MAP4K3: variants seen among roughly 807,000 people sequenced by gnomAD.
The protein encoded by MAP4K3 is MAPK/ERK kinase kinase kinase 3.
In MAP4K3, 94 loss-of-function variants were observed where a neutral mutation model predicts 143.5. That is an observed-to-expected ratio of 0.65 (90% CI 0.55 to 0.78). The LOEUF is 0.78. MAP4K3 is among the 30% of genes least tolerant of loss of function. The probability of loss-of-function intolerance (pLI) is 0.00; values close to 1 mark genes in which losing one functional copy is unlikely to be tolerated. For missense variants in MAP4K3, 1,077 were observed against 1,068.1 expected (o/e 1.01, Z -0.12); for synonymous variants, 416 against 347.2 (o/e 1.20, Z -2.20).
At chr2:39,415,615 C>A (rs1667347823) in intron 1 of MAP4K3, among the ~76,000 whole-genome samples, 1 of 151,970 alleles carries the variant, frequency 6.6e-6, no homozygotes, top group Admixed American at 6.5e-5. Flanking sequence ...TAATGTCAGG[C>A]ATTAATAGTC....
At chr2:39,407,326 T>C (rs940125006) in intron 1 of MAP4K3, among the ~76,000 whole-genome samples, 2 of 150,762 alleles carry the variant, frequency 1.3e-5, no homozygotes, top group African/African-American at 4.9e-5. Flanking sequence ...ATGTCTGCTC[T>C]CACCACTTCT....
chr2:39,372,492 G>GAAAAAAAAAA (rs556275987), intron 2 of MAP4K3, among the ~76,000 whole-genome samples: 2 of 123,210 alleles, frequency 1.6e-5, no homozygotes, highest in African/African-American at 2.9e-5. Context: ...CTATCCTAAG[G>GAAAAAAAAAA]AAAAAAAAAA....
intron 4 of MAP4K3, among the ~76,000 whole-genome samples, chr2:39,342,453 G>A (rs1553415112): frequency 6.6e-6 from 1 of 151,988 alleles, no homozygotes; most frequent in Non-Finnish European, 1.5e-5. Flanking sequence ...TTTCTACCGA[G>A]TTTACCTATC....
chr2:39,314,860 T>C (rs1683061919), intron 13 of MAP4K3, among the ~76,000 whole-genome samples: 1 of 152,188 alleles, frequency 6.6e-6, no homozygotes, highest in African/African-American at 2.4e-5. Flanking sequence ...TTTTTAAAAG[T>C]TTCCAGGTTA....
At position 39,278,499 on chromosome 2, in the gene MAP4K3, TA is replaced by T. The variant is rs769694756; in HGVS notation, c.1715-14del. ...ATCAAGTACTGATCTGAAATAAAAG[TA>T]ATTCACTGACTGATTTTGGTAAATA... On this transcript the variant is annotated splice_polypyrimidine_tract_variant and intron_variant, in intron 23 of 33. Coordinates refer to ENST00000263881, the MANE Select transcript of MAP4K3 (RefSeq NM_003618.4). 2.8e-6 allele frequency: 4 copies of T among 1,432,366 alleles called. No homozygotes were observed. The Admixed American group carries it at 7.9e-5, about 28-fold the overall frequency. The allele number at this position is 1,432,366 out of a possible 1,614,324, so 88.7% of individuals were successfully genotyped here. A position where few individuals can be genotyped will look rare whatever the true frequency, so the allele number is the denominator to read the frequency against.
chr2:39,316,308 T>A (rs1004686245), intron 12 of MAP4K3, among the ~76,000 whole-genome samples: 2 of 152,070 alleles, frequency 1.3e-5, no homozygotes, highest in African/African-American at 4.8e-5. Flanking sequence ...AAGAAAAAGC[T>A]GAAAAAATAT....
Position 39,303,030 on chromosome 2 carries a change from T to C in MAP4K3, c.1120-3229A>G, listed in dbSNP as rs533348790. 4 of 167,152 alleles carry C rather than the reference T, an allele frequency of 2.4e-5. No homozygotes were observed. In the South Asian group the frequency reaches 8.3e-4, roughly 35 times the overall value. 10.4% of individuals were successfully genotyped at this position (167,152 alleles called of 1,614,324 possible). ...AAAGCATATGACCAAAAACATCTTA[T>C]TGTAGTTTTAAAAAAAATCCCCTTG... On this transcript the variant is annotated intron_variant, in intron 15 of 33. Coordinates refer to ENST00000263881, the MANE Select transcript of MAP4K3 (RefSeq NM_003618.4).
chr2:39,302,838 C>G (rs767848435), intron 15 of MAP4K3, among the ~76,000 whole-genome samples: 1 of 152,168 alleles, frequency 6.6e-6, no homozygotes, highest in Non-Finnish European at 1.5e-5. Context: ...AGATCGTTAT[C>G]CTAGCCCAAT....
intron 33 of MAP4K3, among the ~76,000 whole-genome samples, chr2:39,251,525 C>T (rs180777958): frequency 6.6e-6 from 1 of 152,296 alleles, no homozygotes; most frequent in East Asian, 1.9e-4. Flanking sequence ...CTCCAAAATC[C>T]TATCGGCATT....
intron 26 of MAP4K3, among the ~76,000 whole-genome samples, chr2:39,267,587 C>T (rs998156816): frequency 4.0e-5 from 6 of 150,902 alleles, no homozygotes; most frequent in South Asian, 4.2e-4. Context: ...GCAGGAGAAT[C>T]GCTTGAACCC....
chr2:39,258,130 C>A (rs1680419918), intron 31 of MAP4K3, among the ~76,000 whole-genome samples: 1 of 152,092 alleles, frequency 6.6e-6, no homozygotes, highest in Admixed American at 6.6e-5. Context: ...CGGGGTTTCA[C>A]CATGTTGGCC....
Position 39,437,021 on chromosome 2 carries a change from G to C in MAP4K3, c.-34C>G. ...CCAGGTGCCCCCCGCCTCCCTCCCG[G>C]GCAGGGGAGGGGGGCCGCTCAGGGG... On this transcript the variant is annotated 5_prime_UTR_variant, in exon 1 of 34. Coordinates refer to ENST00000263881, the MANE Select transcript of MAP4K3 (RefSeq NM_003618.4). 2 of 1,562,658 alleles carry C rather than the reference G, an allele frequency of 1.3e-6. No homozygotes were observed. The highest frequency in any genetic ancestry group is 1.8e-6 in the Non-Finnish European group (2 of 1,140,390).
At position 39,398,750 on chromosome 2, in the gene MAP4K3, G is replaced by A. The variant is rs200914673; in HGVS notation, c.97-20627C>T. Reference sequence around the variant, plus strand: ...TAATAATAATAATAATAATAATGATGATGATAATAATTGGCCAGGCATTGG... The same window carrying A: ...TAATAATAATAATAATAATAATGATAATGATAATAATTGGCCAGGCATTGG... On this transcript the variant is annotated intron_variant, in intron 1 of 33. Transcript: ENST00000263881. Among the ~76,000 whole-genome samples the A allele has an allele frequency of 1.4e-3, 170 of 125,242 alleles. 2 individuals are homozygous for A. Among genetic ancestry groups the A allele is most frequent in the South Asian group, 0.012 (43 of 3,608 alleles). The allele number at this position is 125,242 out of a possible 152,430, so 82.2% of individuals were successfully genotyped here.
chr2:39,253,029 G>T (rs1573054730), intron 32 of MAP4K3, among the ~76,000 whole-genome samples: 1 of 152,176 alleles, frequency 6.6e-6, no homozygotes, highest in South Asian at 2.1e-4. Flanking sequence ...TCTGACTAGT[G>T]TTTATTAGCT....
chr2:39,302,505 T>C (rs1040223537), intron 15 of MAP4K3, among the ~76,000 whole-genome samples: 5 of 152,192 alleles, frequency 3.3e-5, no homozygotes, highest in African/African-American at 1.2e-4. Flanking sequence ...AGGGCAAAGT[T>C]AGTAGTTCAT....
At chr2:39,433,028 T>C (rs1044302284) in intron 1 of MAP4K3, among the ~76,000 whole-genome samples, 1 of 152,202 alleles carries the variant, frequency 6.6e-6, no homozygotes, top group African/African-American at 2.4e-5. Context: ...AGTTTGGAGT[T>C]TGCTAGGTTA....
At chr2:39,271,860 G>A (rs947544307) in intron 26 of MAP4K3, 2 of 161,352 alleles carry the variant, frequency 1.2e-5, no homozygotes, top group Non-Finnish European at 2.7e-5. Flanking sequence ...GCCTCTCAAA[G>A]TATTGGGATT....
At chr2:39,268,955 T>TTCA (rs1473036926) in intron 26 of MAP4K3, among the ~76,000 whole-genome samples, 1 of 152,072 alleles carries the variant, frequency 6.6e-6, no homozygotes, top group African/African-American at 2.4e-5. Flanking sequence ...AGAGACAGAT[T>TTCA]TCACCATGTT....
intron 8 of MAP4K3, among the ~76,000 whole-genome samples, chr2:39,329,897 A>C (rs1396409112): frequency 6.6e-6 from 1 of 152,208 alleles, no homozygotes; most frequent in Non-Finnish European, 1.5e-5. Context: ...AGTGAACCAA[A>C]ATGTAAGGAT....
Sources: gnomAD v4.1 joint callset for allele counts (sites outside exome capture counted in the v4.1 genomes callset) on GRCh38, gnomAD v4.1.1 for gene constraint, MANE v1.5 for transcripts, NCBI Gene and HGNC (gene_info 2026-07-23, HGNC 2026-07-21) for gene names.